The following MRPS22 variants were observed in gnomAD, a reference collection of about 807,000 sequenced individuals.
The protein encoded by MRPS22 is small ribosomal subunit protein mS22.
MRPS22 carries 30 observed loss-of-function variants against 44.0 expected under a neutral mutation model. The observed-to-expected ratio is 0.68, with a 90% CI of 0.51 to 0.93. MRPS22 has a LOEUF of 0.93. Among genes scored for constraint, MRPS22 ranks in the 40% least tolerant of loss-of-function variants. The pLI is 0.00. For missense variants in MRPS22, 447 were observed against 447.8 expected, an observed-to-expected ratio of 1.00 and a Z score of 0.02; for synonymous variants, 165 against 154.4, an observed-to-expected ratio of 1.07 and a Z score of -0.51.
At position 139,355,824 on chromosome 3, in the gene MRPS22, G is replaced by A. The variant is rs200589892; in HGVS notation, c.987+34G>A. ...TTTTTTTCATATTGGTTGTTTTGTG[G>A]TGGTAATTGAGCTGGGAAAAATTCA... On this transcript the variant is annotated intron_variant, in intron 7 of 7. Coordinates refer to ENST00000680020, the MANE Select transcript of MRPS22 (RefSeq NM_020191.4). The A allele has an allele frequency of 1.1e-4, 166 of 1,524,124 alleles. 2 individuals are homozygous for A. In the South Asian group the frequency reaches 1.2e-3, roughly 11 times the overall value. 94.4% of individuals were successfully genotyped at this position (1,524,124 alleles called of 1,614,324 possible). A position where few individuals can be genotyped will look rare whatever the true frequency, so the allele number is the denominator to read the frequency against.
intron 1 of MRPS22, among the ~76,000 whole-genome samples, chr3:139,344,887 G>A (rs1293596938): frequency 6.6e-6 from 1 of 152,196 alleles, no homozygotes; most frequent in African/African-American, 2.4e-5. Context: ...TAGTGCAGGA[G>A]TAGATGAGAT....
At chr3:139,345,448 T>TG (rs1043799265) in intron 1 of MRPS22, among the ~76,000 whole-genome samples, 1 of 139,520 alleles carries the variant, frequency 7.2e-6, no homozygotes, top group African/African-American at 2.6e-5. Flanking sequence ...GTTTTTTTTT[T>TG]TGTTTTTTTT....
chr3:139,352,911 G>A, intron 6 of MRPS22, 119 bp downstream of exon 6: 1 of 1,115,756 alleles, frequency 9.0e-7, no homozygotes, highest in Non-Finnish European at 1.3e-6. Flanking sequence ...GCTTACCTCA[G>A]TTTATGGATT....
intron 2 of MRPS22, among the ~76,000 whole-genome samples, chr3:139,347,566 T>C (rs1941064448): frequency 6.6e-6 from 1 of 152,208 alleles, no homozygotes; most frequent in Non-Finnish European, 1.5e-5. Context: ...TCTCCAGTAG[T>C]AGATTACATG....
chr3:139,344,181 G>A lies in MRPS22; in HGVS notation c.155G>A (p.Arg52Gln), dbSNP rs938744556. ...TTCGAGATGGGGCTGCCACGCCGCC[G>A]GTTCAGCTCCGAGGCCGGTAAGTGA... Reference protein sequence around the residue: ...CSFEMGLPRRRFSSEAAESGS... With the variant: ...CSFEMGLPRRQFSSEAAESGS... Residue 52 changes from arginine (R) to glutamine (Q), a missense_variant, in exon 1 of 8, where the codon CGG (arginine) becomes CAG (glutamine). By Grantham distance (43) the Arg-to-Gln change is conservative. Coordinates refer to ENST00000680020, the MANE Select transcript of MRPS22 (RefSeq NM_020191.4). 3.7e-6 allele frequency: 6 copies of A among 1,610,396 alleles called. No homozygotes were observed. The highest frequency in any genetic ancestry group is 5.1e-6 in the Non-Finnish European group (6 of 1,178,814).
At chr3:139,344,551 A>G in intron 1 of MRPS22, 1 of 614,112 alleles carries the variant, frequency 1.6e-6, no homozygotes, top group South Asian at 1.9e-5. Flanking sequence ...CAGGAGAGGC[A>G]CTCAAACTAG....
Position 139,350,235 on chromosome 3 carries a change from A to G in MRPS22, c.561A>G (p.Glu187=), listed in dbSNP as rs758317109. 2 of 1,614,222 alleles carry G rather than the reference A, an allele frequency of 1.2e-6. No individual in the cohort carries two copies. The highest frequency in any genetic ancestry group is 3.3e-5 in the Admixed American group (2 of 60,034). ...PSGTLRKASW[E]ERDRMIQVYF... Reference sequence around the variant, plus strand: ...GCACACTACGCAAAGCCTCTTGGGAAGAACGGGACCGAATGATACAAGTTT... The same window carrying G: ...GCACACTACGCAAAGCCTCTTGGGAGGAACGGGACCGAATGATACAAGTTT... The change falls in exon 4 of 8, where the codon GAA becomes GAG. Residue 187 remains glutamate, a synonymous_variant. Transcript: ENST00000680020.
At chr3:139,353,048 T>C (rs750734760) in intron 6 of MRPS22, among the ~76,000 whole-genome samples, 1 of 152,128 alleles carries the variant, frequency 6.6e-6, no homozygotes, top group Non-Finnish European at 1.5e-5. Flanking sequence ...TATTAACTTA[T>C]CCTGAGCTCA....
In MRPS22 at chr3:139,348,324, G is replaced by A. The variant is rs1270453328; in HGVS notation, c.504G>A (p.Arg168=). ...FTDISYSIPH[R]ERFIVVREPS... ...ATATATCATATAGCATACCACACCGGGTGAGTATATGTCTAATCGCAAAAT... is the reference window on the plus strand; with the variant it reads ...ATATATCATATAGCATACCACACCGAGTGAGTATATGTCTAATCGCAAAAT... The change falls in exon 3 of 8, where the codon CGG becomes CGA. Residue 168 remains arginine, a splice_region_variant and synonymous_variant. Coordinates refer to ENST00000680020, the MANE Select transcript of MRPS22 (RefSeq NM_020191.4). The A allele has an allele frequency of 1.2e-6, 2 of 1,613,540 alleles. No individual in the cohort carries two copies. Among genetic ancestry groups the A allele is most frequent in the Non-Finnish European group, 1.7e-6 (2 of 1,179,752 alleles).
chr3:139,355,365 G>A (rs993958652), intron 6 of MRPS22, among the ~76,000 whole-genome samples: 8 of 152,144 alleles, frequency 5.3e-5, no homozygotes, highest in African/African-American at 1.9e-4. Flanking sequence ...CTACCATTAG[G>A]AATGCTGTTT....
rs756470213 is a variant in MRPS22 at position 139,347,030 on chromosome 3, G to A, written c.325G>A (p.Ala109Thr). 6.2e-7 allele frequency: 1 copy of A among 1,614,152 alleles called. No individual in the cohort carries two copies. The highest frequency in any genetic ancestry group is 8.5e-7 in the Non-Finnish European group (1 of 1,180,010). The change falls in exon 2 of 8, where the codon GCA becomes ACA. Residue 109 changes from alanine (A) to threonine (T), a missense_variant. Ala to Thr is a moderately conservative substitution (Grantham distance 58). Coordinates refer to ENST00000680020, the MANE Select transcript of MRPS22 (RefSeq NM_020191.4). ...ACCAACCTATAAGCTAATGACTCAG[G>A]CACAGTTGGAAGAGGTACGTGAATG... The part of the protein sequence containing the change: ...KPPTYKLMTQ[A>T]QLEEATRQAV...
At chr3:139,347,086 G>C (rs917391920) in intron 2 of MRPS22, 42 bp downstream of exon 2, 4 of 1,609,630 alleles carry the variant, frequency 2.5e-6, no homozygotes, top group Non-Finnish European at 3.4e-6. Flanking sequence ...CTTTCTTTAA[G>C]GGTTTAAACA....
chr3:139,351,322 C>T (rs1369597336), intron 5 of MRPS22: 3 of 455,712 alleles, frequency 6.6e-6, no homozygotes, highest in Non-Finnish European at 1.2e-5. Context: ...GGTTAGGACC[C>T]AAGTTTGATG....
intron 3 of MRPS22, 135 bp downstream of exon 3, chr3:139,348,459 A>G: frequency 1.2e-6 from 1 of 836,216 alleles, no homozygotes; most frequent in East Asian, 2.5e-5. Context: ...CCCTTCTGGA[A>G]GATATACTAT....
intron 6 of MRPS22, among the ~76,000 whole-genome samples, chr3:139,354,718 A>G (rs1032601773): frequency 5.3e-5 from 8 of 152,136 alleles, no homozygotes; most frequent in African/African-American, 1.9e-4. Context: ...AGCTCAGGTA[A>G]GGGGAACGCA....
In MRPS22 at chr3:139,344,040, G is replaced by C; in HGVS notation, c.14G>C (p.Gly5Ala). Reference protein sequence around the residue: MAPLGTTVLLWSLLR... With the variant: MAPLATTVLLWSLLR... ...CTTCTGATAATCATGGCGCCCCTCG[G>C]AACAACTGTATTGCTGTGGAGCCTC... The change falls in exon 1 of 8, where the codon GGA (glycine) becomes GCA (alanine). Residue 5 changes from glycine to alanine, a missense_variant. Gly to Ala is a moderately conservative substitution (Grantham distance 60). Transcript: ENST00000680020. The C allele has an allele frequency of 6.2e-7, 1 of 1,614,158 alleles. No homozygotes were observed. Among genetic ancestry groups the C allele is most frequent in the Non-Finnish European group, 8.5e-7 (1 of 1,180,034 alleles).
In MRPS22 at chr3:139,356,926, C is replaced by CA; in HGVS notation, c.1000dup (p.Thr334AsnfsTer32). The CA allele has an allele frequency of 1.2e-6, 2 of 1,611,710 alleles. No homozygotes were observed. The highest frequency in any genetic ancestry group is 1.7e-6 in the Non-Finnish European group (2 of 1,178,534). On this transcript the variant is annotated frameshift_variant, in exon 8 of 8. Coordinates refer to ENST00000680020, the MANE Select transcript of MRPS22 (RefSeq NM_020191.4). LOFTEE classifies it high-confidence loss of function. The stretch of plus-strand genomic sequence containing the variant: ...TCTTTTTAATTTAAACAGGTCTTTG[C>CA]AAAAACAGAAGCACAGAAGGGAGCC...
chr3:139,352,898 C>T, intron 6 of MRPS22, 106 bp downstream of exon 6: 1 of 1,194,344 alleles, frequency 8.4e-7, no homozygotes, highest in Non-Finnish European at 1.2e-6. Context: ...CTGTCTAGTG[C>T]TTGCTTACCT....
In MRPS22 at chr3:139,344,132, C is replaced by G; in HGVS notation, c.106C>G (p.Leu36Val). 1 of 1,613,900 alleles carries G rather than the reference C, an allele frequency of 6.2e-7. No individual in the cohort carries two copies. The highest frequency in any genetic ancestry group is 8.5e-7 in the Non-Finnish European group (1 of 1,179,942). The part of the protein sequence containing the change: ...RARIQPWHGG[L>V]LQPLPCSFEM... ...TCGAATCCAGCCCTGGCACGGTGGCCTGCTCCAACCGCTACCTTGCTCTTT... is the reference window on the plus strand; with the variant it reads ...TCGAATCCAGCCCTGGCACGGTGGCGTGCTCCAACCGCTACCTTGCTCTTT... Residue 36 changes from leucine to valine, a missense_variant, in exon 1 of 8, where the codon CTG becomes GTG. Leu to Val is a conservative substitution (Grantham distance 32). Transcript: ENST00000680020.
Sources: allele counts gnomAD v4.1 joint callset (sites outside exome capture counted in the v4.1 genomes callset), GRCh38; gene constraint gnomAD v4.1.1; transcripts MANE v1.5; gene names NCBI Gene and HGNC (gene_info 2026-07-23, HGNC 2026-07-21).